The following RNF217 variants were observed in gnomAD, a reference collection of about 807,000 sequenced individuals.
RNF217 encodes the protein E3 ubiquitin-protein ligase RNF217.
Under a neutral mutation model 57.8 loss-of-function variants are expected in RNF217, and 31 were observed. That is an observed-to-expected ratio of 0.54 (90% CI 0.40 to 0.72). The LOEUF is 0.72. Among genes scored for constraint, RNF217 ranks in the 30% least tolerant of loss-of-function variants. The pLI is 0.00. For synonymous variants in RNF217, 313 were observed against 294.0 expected, an observed-to-expected ratio of 1.06 and a Z score of -0.66; for missense variants, 696 against 708.3, an observed-to-expected ratio of 0.98 and a Z score of 0.20.
At chr6:125,047,165 G>A (rs1787127426) in intron 2 of RNF217, among the ~76,000 whole-genome samples, 1 of 151,798 alleles carries the variant, frequency 6.6e-6, no homozygotes, top group Admixed American at 6.6e-5. Context: ...TATATGTTTG[G>A]ACTTAGATAC....
intron 1 of RNF217, among the ~76,000 whole-genome samples, chr6:125,010,872 A>G (rs1785388419): frequency 1.3e-5 from 2 of 152,238 alleles, no homozygotes; most frequent in African/African-American, 2.4e-5. Flanking sequence ...CAGCCCTCCC[A>G]GGTCTACCAC....
chr6:125,046,967 G>C (rs1408656639), intron 2 of RNF217, among the ~76,000 whole-genome samples: 1 of 151,948 alleles, frequency 6.6e-6, no homozygotes, highest in South Asian at 2.1e-4. Flanking sequence ...TATAACTAAA[G>C]TACTGCCCTA....
At chr6:125,011,585 T>C (rs1785417342) in intron 1 of RNF217, among the ~76,000 whole-genome samples, 1 of 152,206 alleles carries the variant, frequency 6.6e-6, no homozygotes, top group South Asian at 2.1e-4. Context: ...ATCACTCGGT[T>C]AATGTCTGAA....
At chr6:125,018,166 G>A (rs931761248) in intron 1 of RNF217, among the ~76,000 whole-genome samples, 3 of 152,152 alleles carry the variant, frequency 2.0e-5, no homozygotes, top group Admixed American at 2.0e-4. Context: ...TTAATTAGAG[G>A]TAGTGTAGAA....
chr6:125,023,959 A>G (rs1460650560), intron 1 of RNF217, among the ~76,000 whole-genome samples: 4 of 152,190 alleles, frequency 2.6e-5, no homozygotes, highest in Non-Finnish European at 5.9e-5. Context: ...TGTTCAAGAC[A>G]TGCAAAATTT....
chr6:125,005,269 C>T (rs1005076985), intron 1 of RNF217, among the ~76,000 whole-genome samples: 2 of 152,144 alleles, frequency 1.3e-5, no homozygotes, highest in Non-Finnish European at 2.9e-5. Context: ...TCAAACTTGG[C>T]GTCTCAGGTC....
chr6:124,970,438 G>A (rs1293146772), intron 1 of RNF217, among the ~76,000 whole-genome samples: 1 of 152,174 alleles, frequency 6.6e-6, no homozygotes, highest in South Asian at 2.1e-4. Flanking sequence ...TCAAGCATGA[G>A]TCAGGTTCTG....
chr6:125,069,564 A>G, intron 3 of RNF217, among the ~76,000 whole-genome samples: 1 of 152,242 alleles, frequency 6.6e-6, no homozygotes, highest in African/African-American at 2.4e-5. Flanking sequence ...GTTGATGGGC[A>G]CCTAGGTTGA....
At chr6:125,000,790 G>A (rs1316523688) in intron 1 of RNF217, among the ~76,000 whole-genome samples, 3 of 151,994 alleles carry the variant, frequency 2.0e-5, no homozygotes, top group African/African-American at 7.2e-5. Flanking sequence ...ATTACTGGAA[G>A]GGGTAGTCCT....
intron 3 of RNF217, among the ~76,000 whole-genome samples, chr6:125,068,920 A>G (rs567889152): frequency 6.6e-6 from 1 of 152,250 alleles, no homozygotes; most frequent in African/African-American, 2.4e-5. Flanking sequence ...TAGTAGGATG[A>G]CATGTATAAT....
At position 124,963,241 on chromosome 6, in the gene RNF217, C is replaced by G. The variant is rs1370662023; in HGVS notation, c.697C>G (p.Pro233Ala). 2.3e-5 allele frequency: 35 copies of G among 1,535,996 alleles called. No individual in the cohort carries two copies. Among genetic ancestry groups the G allele is most frequent in the Non-Finnish European group, 2.9e-5 (33 of 1,146,908 alleles). Residue 233 changes from proline (P) to alanine (A), a missense_variant, in exon 1 of 6, where the codon CCG becomes GCG. Physicochemically the swap from Pro to Ala is conservative, Grantham distance 27. This residue lies in a region of RNF217 where 465 missense variants were observed against 386.8 expected (regional missense o/e 1.20). Coordinates refer to ENST00000521654, the MANE Select transcript of RNF217 (RefSeq NM_001286398.3). The stretch of plus-strand genomic sequence containing the variant: ...GCTGGAGTTCTACCTGGCGCCCGAG[C>G]CGTTCTCCATGCCCAGCCTGTTGGG... ...IELEFYLAPEPFSMPSLLGAP... is the reference protein window; with the variant it reads ...IELEFYLAPEAFSMPSLLGAP...
intron 1 of RNF217, chr6:125,009,518 T>A: frequency 2.4e-6 from 1 of 413,302 alleles, no homozygotes; most frequent in Non-Finnish European, 4.3e-6. Context: ...AAGAGCTATA[T>A]CAATGTACTC....
chr6:125,020,441 C>T (rs191428350), intron 1 of RNF217, among the ~76,000 whole-genome samples: 14 of 152,258 alleles, frequency 9.2e-5, no homozygotes, highest in African/African-American at 2.2e-4. Flanking sequence ...TTCACAAGTC[C>T]GCCTAGTTTT....
At chr6:124,977,109 A>G (rs956292256) in intron 1 of RNF217, among the ~76,000 whole-genome samples, 7 of 152,204 alleles carry the variant, frequency 4.6e-5, no homozygotes, top group Admixed American at 4.6e-4. Flanking sequence ...TCCTACTTAA[A>G]AATCATCCAA....
At chr6:125,016,694 A>G (rs1450511531) in intron 1 of RNF217, among the ~76,000 whole-genome samples, 1 of 152,102 alleles carries the variant, frequency 6.6e-6, no homozygotes, top group East Asian at 1.9e-4. Flanking sequence ...ACAGAAAACC[A>G]AACACCACCT....
intron 1 of RNF217, among the ~76,000 whole-genome samples, chr6:124,967,837 G>A (rs1450665881): frequency 1.3e-5 from 2 of 151,948 alleles, no homozygotes; most frequent in African/African-American, 4.8e-5. Context: ...GGAGTGCAAT[G>A]GCTTCATCTT....
At chr6:125,044,060 T>G (rs1786992447) in intron 1 of RNF217, among the ~76,000 whole-genome samples, 1 of 46,468 alleles carries the variant, frequency 2.2e-5, no homozygotes, top group Non-Finnish European at 5.7e-5. Flanking sequence ...TGAATTTAGT[T>G]TTTTTTTTTA....
At chr6:125,077,012 A>G (rs1292877952) in intron 4 of RNF217, among the ~76,000 whole-genome samples, 154 bp downstream of exon 4, 1 of 152,144 alleles carries the variant, frequency 6.6e-6, no homozygotes, top group Non-Finnish European at 1.5e-5. Flanking sequence ...AAAATTTAAA[A>G]CTTAAATTTT....
intron 1 of RNF217, among the ~76,000 whole-genome samples, chr6:124,999,731 A>G (rs1784899241): frequency 6.6e-6 from 1 of 152,198 alleles, no homozygotes; most frequent in Admixed American, 6.5e-5. Flanking sequence ...AAATGTTCAG[A>G]CAACCTTTAA....
Sources: allele counts gnomAD v4.1 joint callset (sites outside exome capture counted in the v4.1 genomes callset), GRCh38; gene constraint gnomAD v4.1.1; regional missense constraint gnomAD v4.1.1; transcripts MANE v1.5; gene names NCBI Gene and HGNC (gene_info 2026-07-23, HGNC 2026-07-21).